Variants in MLH3 observed in about 807,000 individuals in gnomAD.
MLH3 encodes the protein DNA mismatch repair protein Mlh3.
In MLH3, 82 loss-of-function variants were observed where a neutral mutation model predicts 122.2. That is an observed-to-expected ratio of 0.67 (90% CI 0.56 to 0.81). The LOEUF (loss-of-function observed/expected upper bound fraction) is 0.81. Among genes scored for constraint, MLH3 ranks in the 30% least tolerant of loss-of-function variants. MLH3 has a pLI of 0.00. For synonymous variants in MLH3, 524 were observed against 599.5 expected (o/e 0.87, Z 1.84); for missense variants, 1,539 against 1,714.5 (o/e 0.90, Z 1.81).
Position 75,047,793 on chromosome 14 carries a change from A to C in MLH3, c.1863T>G (p.Thr621=). Residue 621 remains threonine, a synonymous_variant, in exon 2 of 13, where the codon ACT becomes ACG. Transcript: ENST00000355774. ...HVVQNEKTKS[T]ETEHSFKNYV... is the part of the protein sequence containing the mutation. The stretch of plus-strand genomic sequence containing the variant: ...AATTTTTAAATGAATGTTCTGTTTC[A>C]GTTGATTTAGTTTTTTCATTTTGTA... 6.2e-7 allele frequency: 1 copy of C among 1,614,032 alleles called. No individual in the cohort carries two copies. The highest frequency in any genetic ancestry group is 8.5e-7 in the Non-Finnish European group (1 of 1,179,960).
intron 9 of MLH3, among the ~76,000 whole-genome samples, chr14:75,025,937 T>C (rs1890600205): frequency 6.6e-6 from 1 of 152,174 alleles, no homozygotes; most frequent in South Asian, 2.1e-4. Context: ...CTTTATTCCT[T>C]TCACGTTTGA....
intron 2 of MLH3, among the ~76,000 whole-genome samples, chr14:75,042,845 G>A (rs1246968745): frequency 5.9e-5 from 9 of 151,432 alleles, no homozygotes; most frequent in Non-Finnish European, 1.3e-4. Context: ...GCGTGATCTC[G>A]GCTTACTGCA....
At chr14:75,030,265 A>G (rs2139382061) in intron 9 of MLH3, among the ~76,000 whole-genome samples, 1 of 152,186 alleles carries the variant, frequency 6.6e-6, no homozygotes, top group East Asian at 1.9e-4. Flanking sequence ...CTGAAAAACT[A>G]TCTTGGTGCA....
intron 2 of MLH3, among the ~76,000 whole-genome samples, chr14:75,043,438 A>G (rs992567115): frequency 2.0e-5 from 3 of 152,254 alleles, no homozygotes; most frequent in Non-Finnish European, 4.4e-5. Context: ...GTGGATGATC[A>G]ACAAATGCTG....
chr14:75,042,161 AT>A (rs1398443950), intron 3 of MLH3, among the ~76,000 whole-genome samples: 2 of 152,260 alleles, frequency 1.3e-5, no homozygotes, highest in Non-Finnish European at 2.9e-5. Context: ...CAGACTATGC[AT>A]AATCAGCAAA....
Position 75,047,656 on chromosome 14 carries a change from C to T in MLH3, c.2000G>A (p.Gly667Asp). The change falls in exon 2 of 13, where the codon GGT (glycine) becomes GAT (aspartate). Residue 667 changes from glycine (G) to aspartate (D), a missense_variant. Physicochemically the swap from Gly to Asp is moderately conservative, Grantham distance 94. Transcript: ENST00000355774. The part of the protein sequence containing the change: ...DLASTLSKES[G>D]QLPNKKNCRT... Reference sequence around the variant, plus strand: ...GCAATTTTTTTTGTTGGGCAATTGACCAGATTCTTTACTTAAAGTGCTGGC... The same window carrying T: ...GCAATTTTTTTTGTTGGGCAATTGATCAGATTCTTTACTTAAAGTGCTGGC... The T allele has an allele frequency of 1.2e-6, 2 of 1,613,952 alleles. No individual in the cohort carries two copies. Among genetic ancestry groups the T allele is most frequent in the Non-Finnish European group, 1.7e-6 (2 of 1,179,940 alleles).
At chr14:75,020,984 C>T (rs1309887070) in intron 11 of MLH3, 1 of 152,154 alleles carries the variant, frequency 6.6e-6, no homozygotes, top group Non-Finnish European at 1.5e-5. Context: ...TCAAGTGATT[C>T]TCCTGCCTCA....
chr14:75,047,086 G>T lies in MLH3; in HGVS notation c.2570C>A (p.Ser857Tyr). 1 of 1,614,158 alleles carries T rather than the reference G, an allele frequency of 6.2e-7. No homozygotes were observed. Among genetic ancestry groups the T allele is most frequent in the South Asian group, 1.1e-5 (1 of 91,086 alleles). ...RESPMTLKELSLFNRKPLDLE... is the reference protein window; with the variant it reads ...RESPMTLKELYLFNRKPLDLE... The stretch of plus-strand genomic sequence containing the variant: ...GTCCAAAGGTTTTCTATTAAAGAGA[G>T]ATAACTCCTTCAGGGTCATAGGACT... Residue 857 changes from serine to tyrosine, a missense_variant, in exon 2 of 13, where the codon TCT (serine) becomes TAT (tyrosine). By Grantham distance (144) the Ser-to-Tyr change is moderately radical (BLOSUM62 -2). Coordinates refer to ENST00000355774, the MANE Select transcript of MLH3 (RefSeq NM_001040108.2).
chr14:75,026,368 T>A (rs1890629243), intron 9 of MLH3, among the ~76,000 whole-genome samples: 1 of 152,178 alleles, frequency 6.6e-6, no homozygotes. Context: ...AAAAATTTAG[T>A]CACTGAAATA....
In MLH3 at chr14:75,030,571, C is replaced by A. The variant is rs769478973; in HGVS notation, c.3959G>T (p.Arg1320Ile). The change falls in exon 9 of 13, where the codon AGA (arginine) becomes ATA (isoleucine). Residue 1320 changes from arginine to isoleucine, a missense_variant. Transcript: ENST00000355774. The stretch of plus-strand genomic sequence containing the variant: ...CACAATACTCTTGGTCACAGTAGAT[C>A]TTCCTCTCCGAAGTTCATTGGCTTC... ...EREANELRRGRSTVTKSIVEE... is the reference protein window; with the variant it reads ...EREANELRRGISTVTKSIVEE... The A allele has an allele frequency of 8.1e-6, 13 of 1,614,024 alleles. No homozygotes were observed. The highest frequency in any genetic ancestry group is 1.3e-5 in the African/African-American group (1 of 74,934).
At chr14:75,031,434 C>T (rs1161416953) in intron 8 of MLH3, among the ~76,000 whole-genome samples, 2 of 152,134 alleles carry the variant, frequency 1.3e-5, no homozygotes, top group Non-Finnish European at 1.5e-5. Flanking sequence ...ACAGACTGTT[C>T]CAAGAAATGA....
rs758595122 is a variant in MLH3, at chr14:75,033,408, C to A, written c.3715+11G>T. ...GTCTCAAATTTTTTCTGGCTGCAAA[C>A]AGATCCTTACCAATGATAAGCTGCT... is the stretch of plus-strand genomic sequence containing the variant. On this transcript the variant is annotated intron_variant, in intron 7 of 12. Transcript: ENST00000355774. The A allele has an allele frequency of 2.5e-6, 4 of 1,613,756 alleles. No individual in the cohort carries two copies. The South Asian group carries it at 4.4e-5, about 18-fold the overall frequency.
rs574480851 is a variant in MLH3 at position 75,048,714 on chromosome 14, G to C, written c.942C>G (p.Phe314Leu). The C allele has an allele frequency of 2.5e-6, 4 of 1,614,160 alleles. 1 individual carries two copies. In the South Asian group the frequency reaches 3.3e-5, roughly 13 times the overall value. ...GCTCCATGCACACATCATACTCACA[G>C]AATTGGCACTGCACATTAATTACAT... ...GIYVINVQCQ[F>L]CEYDVCMEPA... The change falls in exon 2 of 13, where the codon TTC (phenylalanine) becomes TTG (leucine). Residue 314 changes from phenylalanine to leucine, a missense_variant. Phe to Leu is a conservative substitution (Grantham distance 22). Transcript: ENST00000355774.
intron 8 of MLH3, among the ~76,000 whole-genome samples, chr14:75,031,416 G>A (rs1891039663): frequency 6.6e-6 from 1 of 152,128 alleles, no homozygotes; most frequent in Non-Finnish European, 1.5e-5. Flanking sequence ...ACAAAGCATG[G>A]CATAAACACA....
chr14:75,034,434 T>C (rs1891252175), intron 6 of MLH3, among the ~76,000 whole-genome samples: 1 of 152,192 alleles, frequency 6.6e-6, no homozygotes, highest in Non-Finnish European at 1.5e-5. Flanking sequence ...GGCCAGATCA[T>C]AAATATTTTA....
At chr14:75,038,900 G>A (rs1229100257) in intron 5 of MLH3, among the ~76,000 whole-genome samples, 1 of 151,318 alleles carries the variant, frequency 6.6e-6, no homozygotes, top group Non-Finnish European at 1.5e-5. Flanking sequence ...GTGCAATGGT[G>A]TGATCTCGGC....
intron 9 of MLH3, among the ~76,000 whole-genome samples, chr14:75,027,679 A>ACAC (rs778990911): frequency 1.5e-5 from 2 of 137,572 alleles, no homozygotes; most frequent in East Asian, 4.0e-4. Context: ...AAAAAAAAAA[A>ACAC]AAAAAAAAAA....
chr14:75,034,191 TAA>T (rs11296642), intron 6 of MLH3, among the ~76,000 whole-genome samples: 1,968 of 143,430 alleles, frequency 0.014, 34 homozygotes, highest in African/African-American at 0.036. Context: ...GACTCCATCT[TAA>T]AAAAAAAAAA....
chr14:75,039,845 C>CGATATATATATATA (rs1566594267), intron 5 of MLH3, 66 bp downstream of exon 5: 2 of 316,432 alleles, frequency 6.3e-6, no homozygotes, highest in Non-Finnish European at 9.3e-6. Flanking sequence ...AAGAGTTAGG[C>CGATATATATATATA]CATATATATA....
Sources: allele counts gnomAD v4.1 joint callset (sites outside exome capture counted in the v4.1 genomes callset), GRCh38; gene constraint gnomAD v4.1.1; transcripts MANE v1.5; gene names NCBI Gene and HGNC (gene_info 2026-07-23, HGNC 2026-07-21).